The following PEBP4 variants were observed in gnomAD, a reference collection of about 807,000 sequenced individuals.
PEBP4 encodes phosphatidylethanolamine-binding protein 4.
In PEBP4, 22 loss-of-function variants were observed where a neutral mutation model predicts 23.9. The observed-to-expected ratio is 0.92, with a 90% CI of 0.66 to 1.31. The LOEUF (loss-of-function observed/expected upper bound fraction) is 1.31. Ranked by LOEUF, PEBP4 falls within the 40% of genes most tolerant of loss-of-function variation. The pLI is 0.00. For missense variants in PEBP4, 324 were observed against 281.7 expected (o/e 1.15, Z -1.07); for synonymous variants, 112 against 99.3 (o/e 1.13, Z -0.76).
chr8:22,839,201 A>C (rs541407468), intron 3 of PEBP4, among the ~76,000 whole-genome samples: 1 of 152,254 alleles, frequency 6.6e-6, no homozygotes, highest in East Asian at 1.9e-4. Context: ...TGGGGGTGAG[A>C]GGCTGGGCTG....
intron 3 of PEBP4, among the ~76,000 whole-genome samples, chr8:22,917,622 A>G (rs759965629): frequency 6.8e-6 from 1 of 146,338 alleles, no homozygotes; most frequent in African/African-American, 2.5e-5. Context: ...ACTCACTTCC[A>G]TAGGACCTGC....
In PEBP4 at chr8:22,725,004, CG is replaced by C. The variant is rs566057291; in HGVS notation, c.404-49del. 1.6e-3 allele frequency: 2,389 copies of C among 1,503,468 alleles called. 2 individuals are homozygous for C. Among genetic ancestry groups the C allele is most frequent in the Non-Finnish European group, 1.9e-3 (2,057 of 1,081,294 alleles). 93.1% of individuals were successfully genotyped at this position (1,503,468 alleles called of 1,614,324 possible). A position where few individuals can be genotyped will look rare whatever the true frequency, so the allele number is the denominator to read the frequency against. On this transcript the variant is annotated intron_variant, in intron 5 of 6. Transcript: ENST00000256404. ...GGTGAGCATCAACATCCCATACTAC[CG>C]AGGGCAGAGCTCTCTGCCTTCCCAT...
intron 4 of PEBP4, among the ~76,000 whole-genome samples, chr8:22,782,713 C>T (rs889970035): frequency 2.6e-5 from 4 of 152,158 alleles, no homozygotes; most frequent in South Asian, 2.1e-4. Flanking sequence ...AGGGAGAGCC[C>T]GACCACTTTC....
At chr8:22,927,741 G>A (rs757416949) in intron 1 of PEBP4, 21 bp from the exon 2 acceptor site, 4 of 1,612,884 alleles carry the variant, frequency 2.5e-6, no homozygotes, top group Non-Finnish European at 3.4e-6. Flanking sequence ...AAGAACTTTA[G>A]AGCGGCTGGA....
chr8:22,713,361 G>T lies in PEBP4; in HGVS notation c.*9C>A. 1 of 1,570,064 alleles carries T rather than the reference G, an allele frequency of 6.4e-7. No individual in the cohort carries two copies. The highest frequency in any genetic ancestry group is 8.6e-7 in the Non-Finnish European group (1 of 1,158,800). On this transcript the variant is annotated 3_prime_UTR_variant, in exon 7 of 7. Coordinates refer to ENST00000256404, the MANE Select transcript of PEBP4 (RefSeq NM_144962.3). ...TGTGGCCACATGCCCGGATGGCAAA[G>T]CCGGCTATCTAGCAGGCAGCTATCT... is the stretch of plus-strand genomic sequence containing the variant.
rs572379153 is a variant in PEBP4, at chr8:22,822,274, A to G, written c.259-4539T>C. ...ATGCTATAGGAAATTAAATCAGATAATGAGAAGATAAACCCAAGAAAATCT... is the reference window on the plus strand; with the variant it reads ...ATGCTATAGGAAATTAAATCAGATAGTGAGAAGATAAACCCAAGAAAATCT... On this transcript the variant is annotated intron_variant, in intron 3 of 6. Coordinates refer to ENST00000256404, the MANE Select transcript of PEBP4 (RefSeq NM_144962.3). Among the ~76,000 whole-genome samples, 124 of 152,240 alleles carry G rather than the reference A, an allele frequency of 8.1e-4. 1 individual carries two copies. The South Asian group carries it at 0.016, about 20-fold the overall frequency.
intron 4 of PEBP4, among the ~76,000 whole-genome samples, chr8:22,804,684 T>C (rs1006290003): frequency 6.6e-6 from 1 of 152,120 alleles, no homozygotes. Flanking sequence ...TCACATCCCC[T>C]GAGAAGCCTT....
At chr8:22,843,389 G>C (rs891107384) in intron 3 of PEBP4, among the ~76,000 whole-genome samples, 2 of 152,252 alleles carry the variant, frequency 1.3e-5, no homozygotes, top group Non-Finnish European at 2.9e-5. Context: ...AATCGAGGCA[G>C]CTGGATCCAA....
At chr8:22,894,518 G>T (rs541160711) in intron 3 of PEBP4, among the ~76,000 whole-genome samples, 1 of 152,144 alleles carries the variant, frequency 6.6e-6, no homozygotes, top group South Asian at 2.1e-4. Flanking sequence ...GGAGGTCAAG[G>T]CTGCAGTGAA....
rs566247107 is a variant in PEBP4, at chr8:22,733,738, G to A, written c.358-6518C>T. Among the ~76,000 whole-genome samples, 13 of 150,996 alleles carry A rather than the reference G, an allele frequency of 8.6e-5. No individual in the cohort carries two copies. In the South Asian group the frequency reaches 2.7e-3, roughly 32 times the overall value. On this transcript the variant is annotated intron_variant, in intron 4 of 6. Transcript: ENST00000256404. ...CCTGGGTGCAAACCCCGGTCAGAGT[G>A]GGAAGTTTTGCTTTTTGATCTCTGG...
chr8:22,749,593 C>T (rs1483246449), intron 4 of PEBP4, among the ~76,000 whole-genome samples: 1 of 152,146 alleles, frequency 6.6e-6, no homozygotes, highest in Admixed American at 6.5e-5. Context: ...TCCTTTCCTT[C>T]CCTTCCTGTG....
At chr8:22,805,212 G>A (rs955755968) in intron 4 of PEBP4, among the ~76,000 whole-genome samples, 1 of 152,234 alleles carries the variant, frequency 6.6e-6, no homozygotes, top group Non-Finnish European at 1.5e-5. Context: ...GATACACGTC[G>A]TGATGCATTT....
intron 4 of PEBP4, among the ~76,000 whole-genome samples, chr8:22,787,086 AGT>A (rs1563215962): frequency 6.6e-6 from 1 of 152,034 alleles, no homozygotes. Context: ...GCTTCCCAAG[AGT>A]GCTGGGATTA....
At chr8:22,867,072 C>T (rs989823600) in intron 3 of PEBP4, among the ~76,000 whole-genome samples, 4 of 152,184 alleles carry the variant, frequency 2.6e-5, no homozygotes, top group Non-Finnish European at 4.4e-5. Context: ...CCTCAAATCA[C>T]ATTTCTGGGG....
At chr8:22,842,443 G>A (rs1265664650) in intron 3 of PEBP4, among the ~76,000 whole-genome samples, 2 of 152,192 alleles carry the variant, frequency 1.3e-5, no homozygotes, top group East Asian at 3.9e-4. Context: ...TGGGGCTGAA[G>A]GAGGTAGGAA....
At chr8:22,846,600 A>G (rs1208761769) in intron 3 of PEBP4, among the ~76,000 whole-genome samples, 1 of 152,044 alleles carries the variant, frequency 6.6e-6, no homozygotes, top group Admixed American at 6.6e-5. Context: ...GGTGACAGGG[A>G]GTCTAGGTTT....
chr8:22,912,236 A>C (rs1166307805), intron 3 of PEBP4, among the ~76,000 whole-genome samples: 1 of 152,200 alleles, frequency 6.6e-6, no homozygotes. Context: ...TCAGCCATTA[A>C]GTGTTTAACA....
upstream of PEBP4, among the ~76,000 whole-genome samples, chr8:22,929,445 A>G (rs796607479): frequency 7.9e-5 from 12 of 152,224 alleles, no homozygotes; most frequent in African/African-American, 2.2e-4. Context: ...GCGGCCTGGA[A>G]GAAGGGAGAG....
chr8:22,809,899 G>C (rs1309221589), intron 4 of PEBP4, among the ~76,000 whole-genome samples: 1 of 152,234 alleles, frequency 6.6e-6, no homozygotes, highest in Admixed American at 6.5e-5. Flanking sequence ...ACACCTTACA[G>C]GTCACCTGCA....
Sources: gnomAD v4.1 joint callset for allele counts (sites outside exome capture counted in the v4.1 genomes callset) on GRCh38, gnomAD v4.1.1 for gene constraint, MANE v1.5 for transcripts, NCBI Gene and HGNC (gene_info 2026-07-23, HGNC 2026-07-21) for gene names.